Variants in TDRD9 observed in about 807,000 individuals in gnomAD.
The protein encoded by TDRD9 is tudor domain containing 9.
In TDRD9, 124 loss-of-function variants were observed where a neutral mutation model predicts 172.6. That is an observed-to-expected ratio of 0.72 (90% confidence interval 0.62 to 0.83). The LOEUF (loss-of-function observed/expected upper bound fraction) is 0.83, where lower values mean the gene tolerates loss of function less well. Ranked by LOEUF, TDRD9 falls within the 40% of genes least tolerant of loss-of-function variation. The pLI, the probability that TDRD9 is intolerant of heterozygous loss-of-function variation, is 0.00. For missense variants in TDRD9, 1,479 were observed against 1,714.1 expected (o/e 0.86, Z 2.42); for synonymous variants, 619 against 617.1 (o/e 1.00, Z -0.05).
At chr14:104,023,717 G>A (rs1481441990) in intron 24 of TDRD9, among the ~76,000 whole-genome samples, 1 of 152,228 alleles carries the variant, frequency 6.6e-6, no homozygotes, top group African/African-American at 2.4e-5. Flanking sequence ...GTTCTGGGAG[G>A]AACTTAACAG....
intron 35 of TDRD9, among the ~76,000 whole-genome samples, chr14:104,050,894 A>G (rs531878473): frequency 1.8e-4 from 27 of 152,394 alleles, no homozygotes; most frequent in South Asian, 1.7e-3. Context: ...TGCAATTACC[A>G]TCCACATTTA....
At chr14:104,007,119 G>A in intron 18 of TDRD9, 41 bp from the exon 19 acceptor site, 1 of 1,586,454 alleles carries the variant, frequency 6.3e-7, no homozygotes, top group Non-Finnish European at 8.6e-7. Flanking sequence ...AATTCAGTGA[G>A]CCAACACATT....
At chr14:104,028,167 ATC>A (rs1402257719) in intron 28 of TDRD9, among the ~76,000 whole-genome samples, 2 of 152,146 alleles carry the variant, frequency 1.3e-5, no homozygotes, top group East Asian at 3.8e-4. Flanking sequence ...GGGTACAGGT[ATC>A]TCTGATGTAC....
Position 103,997,361 on chromosome 14 carries a change from ATG to A in TDRD9, c.1379-1262_1379-1261del, listed in dbSNP as rs1284937231. Among the ~76,000 whole-genome samples the A allele has an allele frequency of 6.6e-6, 1 of 152,146 alleles. No homozygotes were observed. Among genetic ancestry groups the A allele is most frequent in the Non-Finnish European group, 1.5e-5 (1 of 68,008 alleles). ...TGGGGAGGATGTGCTGAGGTCTCTG[ATG>A]GAGAAATTGTGAGAGACACATTTGG... On this transcript the variant is annotated intron_variant, in intron 12 of 35. Transcript: ENST00000409874. This position sits in a 1 kb window ranked among gnomAD's most constrained non-coding sequence, Gnocchi z 5.1.
At chr14:104,031,468 GTTTTTT>G (rs55696833) in intron 29 of TDRD9, among the ~76,000 whole-genome samples, 29 of 105,094 alleles carry the variant, frequency 2.8e-4, no homozygotes, top group African/African-American at 7.4e-4. Flanking sequence ...GCTTTGACTA[GTTTTTT>G]TTTTTTTTTT....
intron 1 of TDRD9, among the ~76,000 whole-genome samples, chr14:103,938,395 TGTGTGTGTGTG>T (rs1403962625): frequency 4.8e-5 from 1 of 20,734 alleles, no homozygotes; most frequent in African/African-American, 1.5e-4. Context: ...TGTGTGTGTG[TGTGTGTGTGTG>T]TGTGTGTGTA....
intron 23 of TDRD9, among the ~76,000 whole-genome samples, chr14:104,020,804 G>A (rs1003398624): frequency 2.0e-5 from 3 of 152,096 alleles, no homozygotes; most frequent in African/African-American, 7.2e-5. Flanking sequence ...ATGATGTGGG[G>A]ACCCAGGGGC....
chr14:103,978,948 T>G (rs1382911697), intron 7 of TDRD9, among the ~76,000 whole-genome samples: 1 of 152,176 alleles, frequency 6.6e-6, no homozygotes, highest in Non-Finnish European at 1.5e-5. Context: ...CTATAGCTAT[T>G]TGAAATTACA....
At position 103,992,259 on chromosome 14, in the gene TDRD9, A is replaced by C. The variant is rs539293546; in HGVS notation, c.1180+1035A>C. Among the ~76,000 whole-genome samples the C allele has an allele frequency of 2.6e-5, 4 of 152,368 alleles. No homozygotes were observed. The South Asian group carries it at 8.3e-4, about 32-fold the overall frequency. On this transcript the variant is annotated intron_variant, in intron 9 of 35. Coordinates refer to ENST00000409874, the MANE Select transcript of TDRD9 (RefSeq NM_153046.3). Reference sequence around the variant, plus strand: ...TGATGAAACATTATGACAATAATTCAAATATTTTCTGTTGTAATATATAGA... The same window carrying C: ...TGATGAAACATTATGACAATAATTCCAATATTTTCTGTTGTAATATATAGA...
chr14:103,984,675 A>G (rs2033599632), intron 7 of TDRD9, among the ~76,000 whole-genome samples: 1 of 152,164 alleles, frequency 6.6e-6, no homozygotes. Flanking sequence ...AGCAGAAGGA[A>G]ATGTGGGGTT....
chr14:104,031,991 A>G (rs1235470941), intron 29 of TDRD9, 26 bp from the exon 30 acceptor site: 1 of 1,499,134 alleles, frequency 6.7e-7, no homozygotes, highest in Non-Finnish European at 9.0e-7. Context: ...CTTATTGGTA[A>G]CACTTCCTAT....
chr14:103,940,875 G>A (rs765247695), intron 1 of TDRD9: 1 of 1,535,280 alleles, frequency 6.5e-7, no homozygotes, highest in South Asian at 1.2e-5. Context: ...TGTCCTTTGT[G>A]TTTTTGTCTA....
intron 10 of TDRD9, 38 bp from the exon 11 acceptor site, chr14:103,994,481 C>A: frequency 1.9e-6 from 3 of 1,606,722 alleles, no homozygotes; most frequent in Admixed American, 3.3e-5. Context: ...TCATGTATAT[C>A]TATTCTTTAT....
chr14:103,988,346 G>T (rs2033749199), intron 8 of TDRD9, among the ~76,000 whole-genome samples: 1 of 152,056 alleles, frequency 6.6e-6, no homozygotes, highest in Non-Finnish European at 1.5e-5. Flanking sequence ...GCTAATTTTT[G>T]TATTTTTAGT....
At chr14:103,993,339 T>C (rs2033943920) in intron 9 of TDRD9, among the ~76,000 whole-genome samples, 1 of 152,176 alleles carries the variant, frequency 6.6e-6, no homozygotes, top group South Asian at 2.1e-4. Context: ...AAAATATTTA[T>C]AAGTGATATT....
In TDRD9 at chr14:103,928,618, GC is replaced by G; in HGVS notation, c.111del (p.Arg38GlyfsTer44). On this transcript the variant is annotated frameshift_variant, in exon 1 of 36. Transcript: ENST00000409874. LOFTEE classifies it high-confidence loss of function. ...GCCGCCCGCCTTCCCGGCAGGGGCGGCCAGGGAGGAGGTGCAGCGCCAGGAC... is the reference window on the plus strand; with the variant it reads ...GCCGCCCGCCTTCCCGGCAGGGGCGGCAGGGAGGAGGTGCAGCGCCAGGAC... ...GAPPAFPAGA[A>X]REEVQRQDVA... The G allele has an allele frequency of 7.6e-7, 1 of 1,322,182 alleles. No individual in the cohort carries two copies. The highest frequency in any genetic ancestry group is 1.8e-5 in the South Asian group (1 of 54,450). The allele number at this position is 1,322,182 out of a possible 1,614,324, so 81.9% of individuals were successfully genotyped here. A position where few individuals can be genotyped will look rare whatever the true frequency, so the allele number is the denominator to read the frequency against.
chr14:103,954,330 C>T lies in TDRD9; in HGVS notation c.216-1334C>T, dbSNP rs149070587. ...CCCTGGAATCCTTAATAGCGTCACCCGATTTTAATTTTGTCCACATCTCTA... is the reference window on the plus strand; with the variant it reads ...CCCTGGAATCCTTAATAGCGTCACCTGATTTTAATTTTGTCCACATCTCTA... On this transcript the variant is annotated intron_variant, in intron 1 of 35. Coordinates refer to ENST00000409874, the MANE Select transcript of TDRD9 (RefSeq NM_153046.3). Among the ~76,000 whole-genome samples the T allele has an allele frequency of 3.0e-3, 457 of 152,256 alleles. 4 individuals are homozygous for T. The highest frequency in any genetic ancestry group is 0.011 in the African/African-American group (444 of 41,534).
At position 104,032,220 on chromosome 14, in the gene TDRD9, T is replaced by G. The variant is rs185124676; in HGVS notation, c.3509+133T>G. The G allele has an allele frequency of 2.5e-5, 15 of 593,092 alleles. No individual in the cohort carries two copies. In the South Asian group the frequency reaches 3.4e-4, roughly 14 times the overall value. 36.7% of individuals were successfully genotyped at this position (593,092 alleles called of 1,614,324 possible). ...CTTTTCTTTTCTTTTCTTTTCTTTTTTTTTGAGACAGAGTCTCATTCTGTC... is the reference window on the plus strand; with the variant it reads ...CTTTTCTTTTCTTTTCTTTTCTTTTGTTTTGAGACAGAGTCTCATTCTGTC... On this transcript the variant is annotated intron_variant, in intron 30 of 35. Transcript: ENST00000409874.
chr14:104,042,663 A>T (rs1033413940), intron 34 of TDRD9, among the ~76,000 whole-genome samples: 4 of 152,220 alleles, frequency 2.6e-5, no homozygotes, highest in African/African-American at 4.8e-5. Context: ...GGTGTAGCCC[A>T]TGAGCCCAAG....
Sources: allele counts gnomAD v4.1 joint callset (sites outside exome capture counted in the v4.1 genomes callset), GRCh38; gene constraint gnomAD v4.1.1; non-coding constraint Gnocchi (gnomAD v3.1); transcripts MANE v1.5; gene names NCBI Gene and HGNC (gene_info 2026-07-23, HGNC 2026-07-21).